Variants in NTF3 observed in about 807,000 individuals in gnomAD.
The protein encoded by NTF3 is neurotrophin-3.
Under a neutral mutation model 26.3 loss-of-function variants are expected in NTF3, and 8 were observed. The observed-to-expected ratio is 0.30, with a 90% CI of 0.18 to 0.55. NTF3 has a LOEUF of 0.55. Among genes scored for constraint, NTF3 ranks in the 20% least tolerant of loss-of-function variants. NTF3 has a pLI of 0.93. For missense variants in NTF3, 276 were observed against 352.9 expected (o/e 0.78, Z 1.75); for synonymous variants, 154 against 145.5 (o/e 1.06, Z -0.42).
At chr12:5,468,492 C>G (rs2121205081) in intron 1 of NTF3, among the ~76,000 whole-genome samples, 1 of 152,288 alleles carries the variant, frequency 6.6e-6, no homozygotes, top group Non-Finnish European at 1.5e-5. Flanking sequence ...CACTCCTCAC[C>G]AGTACCAAGG....
chr12:5,462,438 C>T (rs1451137372), intron 1 of NTF3, among the ~76,000 whole-genome samples: 1 of 152,190 alleles, frequency 6.6e-6, no homozygotes, highest in Non-Finnish European at 1.5e-5. Flanking sequence ...ATAATGCTTA[C>T]CACAGAGGCT....
intron 1 of NTF3, among the ~76,000 whole-genome samples, chr12:5,477,832 G>A (rs1434636298): frequency 1.3e-5 from 2 of 152,158 alleles, no homozygotes; most frequent in Non-Finnish European, 2.9e-5. Flanking sequence ...CTGCAAAAAA[G>A]GGAAGTTCCA....
chr12:5,446,424 T>C (rs1940306466), intron 1 of NTF3, among the ~76,000 whole-genome samples: 1 of 152,224 alleles, frequency 6.6e-6, no homozygotes, highest in African/African-American at 2.4e-5. Flanking sequence ...GATGGCTCAA[T>C]GGGAAGGAAA....
At chr12:5,463,241 G>A (rs1188368843) in intron 1 of NTF3, among the ~76,000 whole-genome samples, 1 of 152,156 alleles carries the variant, frequency 6.6e-6, no homozygotes, top group African/African-American at 2.4e-5. Context: ...TGAGATACTA[G>A]TGACTTCAAA....
intron 1 of NTF3, among the ~76,000 whole-genome samples, chr12:5,452,040 C>G (rs1456364264): frequency 5.9e-5 from 9 of 151,590 alleles, no homozygotes; most frequent in Non-Finnish European, 8.8e-5. Context: ...CAGTTTTTAC[C>G]TGGCATTTTC....
chr12:5,481,662 A>T (rs531536146), intron 1 of NTF3, among the ~76,000 whole-genome samples: 196 of 140,728 alleles, frequency 1.4e-3, no homozygotes, highest in African/African-American at 5.0e-3. Flanking sequence ...CAGAATACAC[A>T]CATGCACACA....
intron 1 of NTF3, among the ~76,000 whole-genome samples, chr12:5,484,563 T>C (rs1940844794): frequency 6.6e-6 from 1 of 152,206 alleles, no homozygotes; most frequent in Admixed American, 6.5e-5. Flanking sequence ...AGCAGAAGGA[T>C]TCCTTAGCAT....
chr12:5,484,970 A>C (rs1273996034), intron 1 of NTF3, among the ~76,000 whole-genome samples: 1 of 152,220 alleles, frequency 6.6e-6, no homozygotes, highest in Non-Finnish European at 1.5e-5. Context: ...CATCAGCTGC[A>C]AATGTGCTGC....
intron 1 of NTF3, among the ~76,000 whole-genome samples, chr12:5,434,880 A>AG (rs1167708069): frequency 1.3e-5 from 2 of 151,808 alleles, no homozygotes; most frequent in African/African-American, 4.8e-5. Context: ...GAACTTCATG[A>AG]GGGTGCACTG....
At chr12:5,486,240 C>T (rs1009488104) in intron 1 of NTF3, among the ~76,000 whole-genome samples, 14 of 152,170 alleles carry the variant, frequency 9.2e-5, no homozygotes, top group Non-Finnish European at 1.5e-4. Flanking sequence ...AGTTTATCCC[C>T]GACTTGCTGC....
At chr12:5,446,046 G>A (rs1475514230) in intron 1 of NTF3, among the ~76,000 whole-genome samples, 2 of 152,160 alleles carry the variant, frequency 1.3e-5, no homozygotes, top group Non-Finnish European at 2.9e-5. Context: ...CATCCATAGG[G>A]CAGTAACAGG....
intron 1 of NTF3, among the ~76,000 whole-genome samples, chr12:5,453,520 T>G (rs1250809342): frequency 1.3e-5 from 2 of 152,274 alleles, no homozygotes; most frequent in Non-Finnish European, 2.9e-5. Context: ...TGGAACCTGG[T>G]CGGCAGCTTT....
chr12:5,457,218 C>T (rs1456327883), intron 1 of NTF3, among the ~76,000 whole-genome samples: 3 of 152,194 alleles, frequency 2.0e-5, no homozygotes, highest in African/African-American at 2.4e-5. Flanking sequence ...CAGGAAGTTT[C>T]GGGGTTCTGT....
At position 5,467,103 on chromosome 12, in the gene NTF3, G is replaced by A. The variant is rs186813394; in HGVS notation, c.19-27091G>A. ...AAATTAGCCAGGCGTACTGGCAGGCGCCGGTAATCCCAGCTACTCGGGAGG... is the reference window on the plus strand; with the variant it reads ...AAATTAGCCAGGCGTACTGGCAGGCACCGGTAATCCCAGCTACTCGGGAGG... On this transcript the variant is annotated intron_variant, in intron 1 of 1. Transcript: ENST00000423158. Among the ~76,000 whole-genome samples the A allele has an allele frequency of 2.4e-3, 367 of 151,824 alleles. 1 individual carries two copies. Among genetic ancestry groups the A allele is most frequent in the African/African-American group, 8.2e-3 (338 of 41,392 alleles).
chr12:5,450,983 A>G (rs1268507813), intron 1 of NTF3, among the ~76,000 whole-genome samples: 1 of 152,210 alleles, frequency 6.6e-6, no homozygotes, highest in East Asian at 1.9e-4. Flanking sequence ...GGTGGCACCA[A>G]GCTTAGGACG....
intron 1 of NTF3, among the ~76,000 whole-genome samples, chr12:5,475,157 G>T (rs1224078969): frequency 6.6e-6 from 1 of 152,182 alleles, no homozygotes; most frequent in African/African-American, 2.4e-5. Context: ...CCTCAGATGA[G>T]AAGGGAAAGC....
At chr12:5,483,995 T>C (rs145276103) in intron 1 of NTF3, among the ~76,000 whole-genome samples, 261 of 152,238 alleles carry the variant, frequency 1.7e-3, no homozygotes, top group African/African-American at 6.0e-3. Flanking sequence ...GGCCTCAGGC[T>C]TCACACATAG....
intron 1 of NTF3, among the ~76,000 whole-genome samples, chr12:5,482,013 A>G (rs1201206081): frequency 6.6e-6 from 1 of 151,494 alleles, no homozygotes; most frequent in Non-Finnish European, 1.5e-5. Context: ...GCATACACAC[A>G]CTACACACAG....
Position 5,467,537 on chromosome 12 carries a change from G to C in NTF3, c.19-26657G>C, listed in dbSNP as rs564748369. Among the ~76,000 whole-genome samples, 52 of 152,266 alleles carry C rather than the reference G, an allele frequency of 3.4e-4. No individual in the cohort carries two copies. The South Asian group carries it at 0.011, about 32-fold the overall frequency. On this transcript the variant is annotated intron_variant, in intron 1 of 1. Transcript: ENST00000423158. ...AGTGTCTTTTATTATTTCGTTGATT[G>C]ATTAAGGGTTACAAATTTGTTACAA...
Sources: gnomAD v4.1 joint callset for allele counts (sites outside exome capture counted in the v4.1 genomes callset) on GRCh38, gnomAD v4.1.1 for gene constraint, MANE v1.5 for transcripts, NCBI Gene and HGNC (gene_info 2026-07-23, HGNC 2026-07-21) for gene names.